Variants in NR2F1-AS1 observed in about 807,000 individuals in gnomAD.
NR2F1-AS1 encodes NR2F1 antisense RNA 1.
At chr5:93,430,062 G>A (rs1029799141) in intron 4 of NR2F1-AS1, among the ~76,000 whole-genome samples, 1 of 152,138 alleles carries the variant, frequency 6.6e-6, no homozygotes, top group Non-Finnish European at 1.5e-5. Context: ...ATGAAATCAA[G>A]AGTAGTCCTC....
At chr5:93,475,659 T>C (rs1251373397) in intron 4 of NR2F1-AS1, among the ~76,000 whole-genome samples, 1 of 152,216 alleles carries the variant, frequency 6.6e-6, no homozygotes, top group Non-Finnish European at 1.5e-5. Flanking sequence ...TTTGTCATAA[T>C]CATTTGCTCC....
chr5:93,426,214 A>G (rs1282044505), intron 4 of NR2F1-AS1, among the ~76,000 whole-genome samples: 1 of 150,146 alleles, frequency 6.7e-6, no homozygotes, highest in Non-Finnish European at 1.5e-5. Flanking sequence ...TGCCCAGCTA[A>G]TTTTTGTATT....
intron 4 of NR2F1-AS1, among the ~76,000 whole-genome samples, chr5:93,549,370 T>C (rs1752171549): frequency 1.3e-5 from 2 of 152,068 alleles, no homozygotes; most frequent in Admixed American, 6.6e-5. Flanking sequence ...ATAGAATAAA[T>C]CTTATTCACA....
intron 4 of NR2F1-AS1, among the ~76,000 whole-genome samples, chr5:93,478,040 T>G (rs1275785692): frequency 6.6e-6 from 1 of 152,170 alleles, no homozygotes; most frequent in East Asian, 1.9e-4. Flanking sequence ...TCAGCTTTTT[T>G]AAATGGGAAA....
At chr5:93,559,298 T>C (rs1752432904) in intron 2 of NR2F1-AS1, among the ~76,000 whole-genome samples, 1 of 152,190 alleles carries the variant, frequency 6.6e-6, no homozygotes, top group Non-Finnish European at 1.5e-5. Flanking sequence ...CTTCAGTCAT[T>C]TTCTGTGTAA....
intron 4 of NR2F1-AS1, among the ~76,000 whole-genome samples, chr5:93,419,629 C>T (rs780695192): frequency 6.4e-4 from 97 of 152,084 alleles, no homozygotes; most frequent in Non-Finnish European, 1.0e-3. Context: ...ATAGAAATAT[C>T]GGAAAGGATA....
intron 4 of NR2F1-AS1, among the ~76,000 whole-genome samples, chr5:93,415,294 T>C (rs1390850188): frequency 6.6e-6 from 1 of 152,208 alleles, no homozygotes; most frequent in Non-Finnish European, 1.5e-5. Context: ...TATGTCTTTT[T>C]TGGGGGAGGT....
At chr5:93,427,806 T>C (rs974585095) in intron 4 of NR2F1-AS1, among the ~76,000 whole-genome samples, 2 of 152,084 alleles carry the variant, frequency 1.3e-5, no homozygotes, top group Non-Finnish European at 2.9e-5. Context: ...GTTTTTAAAT[T>C]AAAATAGTTT....
At chr5:93,584,267 C>T (rs956686619), upstream of NR2F1-AS1, 1 of 149,466 alleles carries the variant, frequency 6.7e-6, no homozygotes, top group African/African-American at 2.4e-5. Flanking sequence ...GCGCTCGCCG[C>T]AGCAGCTCCG....
chr5:93,481,622 C>T (rs1750601897), intron 4 of NR2F1-AS1, among the ~76,000 whole-genome samples: 2 of 152,050 alleles, frequency 1.3e-5, no homozygotes, highest in Admixed American at 1.3e-4. Flanking sequence ...CTCAAGTTCA[C>T]ATGAAACATT....
At chr5:93,418,588 AAAAT>A (rs56873600) in intron 4 of NR2F1-AS1, among the ~76,000 whole-genome samples, 24,069 of 149,382 alleles carry the variant, frequency 0.16, 2,416 homozygotes, top group African/African-American at 0.29. Context: ...CCGTCTCATA[AAAAT>A]AAATAAATAA....
chr5:93,472,940 G>A (rs956488157), intron 4 of NR2F1-AS1, among the ~76,000 whole-genome samples: 10 of 151,792 alleles, frequency 6.6e-5, no homozygotes, highest in Admixed American at 4.6e-4. Flanking sequence ...TTAAATGCCT[G>A]TTGTTTTGAT....
At chr5:93,491,740 G>A (rs1750854036) in intron 4 of NR2F1-AS1, among the ~76,000 whole-genome samples, 1 of 152,114 alleles carries the variant, frequency 6.6e-6, no homozygotes, top group South Asian at 2.1e-4. Context: ...GGACATCAAG[G>A]CTCCTGGTTC....
At chr5:93,463,117 C>A (rs1479650747) in intron 4 of NR2F1-AS1, among the ~76,000 whole-genome samples, 1 of 152,216 alleles carries the variant, frequency 6.6e-6, no homozygotes, top group African/African-American at 2.4e-5. Context: ...ATCACAGGCC[C>A]AGAGACCTAG....
chr5:93,569,180 C>T (rs991733463), intron 1 of NR2F1-AS1, among the ~76,000 whole-genome samples: 4 of 152,174 alleles, frequency 2.6e-5, no homozygotes, highest in Non-Finnish European at 5.9e-5. Flanking sequence ...GATTTCCTCT[C>T]TCTGGACCCT....
At chr5:93,550,514 TAAG>T (rs993257061) in intron 4 of NR2F1-AS1, among the ~76,000 whole-genome samples, 1 of 152,224 alleles carries the variant, frequency 6.6e-6, no homozygotes, top group Non-Finnish European at 1.5e-5. Context: ...ATTTTTTAAA[TAAG>T]AAGAAGAGAA....
chr5:93,416,685 T>C (rs1245427359), intron 4 of NR2F1-AS1, among the ~76,000 whole-genome samples: 1 of 152,140 alleles, frequency 6.6e-6, no homozygotes, highest in Non-Finnish European at 1.5e-5. Context: ...GATGTTAACT[T>C]TCCTAGGGCC....
chr5:93,548,984 G>A (rs888329890), intron 4 of NR2F1-AS1, among the ~76,000 whole-genome samples: 3 of 152,054 alleles, frequency 2.0e-5, no homozygotes, highest in Admixed American at 2.0e-4. Context: ...AACATATTTG[G>A]AGGATTAATA....
At chr5:93,487,328 G>T (rs900003046) in intron 4 of NR2F1-AS1, among the ~76,000 whole-genome samples, 1 of 152,196 alleles carries the variant, frequency 6.6e-6, no homozygotes, top group Non-Finnish European at 1.5e-5. Context: ...CAGATGACAT[G>T]ATTGTATATT....
Sources: allele counts gnomAD v4.1 joint callset (sites outside exome capture counted in the v4.1 genomes callset), GRCh38; gene constraint gnomAD v4.1.1; transcripts MANE v1.5; gene names NCBI Gene and HGNC (gene_info 2026-07-23, HGNC 2026-07-21).